The following OR2T12 variants were observed in gnomAD, a reference collection of about 807,000 sequenced individuals.
The protein encoded by OR2T12 is olfactory receptor family 2 subfamily T member 12.
For missense variants in OR2T12, 335 were observed against 404.3 expected (o/e 0.83, Z 1.47); for synonymous variants, 127 against 160.5 (o/e 0.79, Z 1.58).
At position 248,294,506 on chromosome 1, in the gene OR2T12, T is replaced by C; in HGVS notation, c.*110A>G. ...TCACTTCATTCTTAAAAATATCTTA[T>C]TATATCAATACACAAACTTAATTTT... On this transcript the variant is annotated 3_prime_UTR_variant, in exon 3 of 3. Coordinates refer to ENST00000641276, the MANE Select transcript of OR2T12 (RefSeq NM_001004692.2). The C allele has an allele frequency of 5.9e-6, 8 of 1,366,702 alleles. No homozygotes were observed. Among genetic ancestry groups the C allele is most frequent in the Admixed American group, 2.3e-5 (1 of 44,062 alleles). 84.7% of individuals were successfully genotyped at this position (1,366,702 alleles called of 1,614,324 possible).
chr1:248,302,238 G>A (rs1242697892), intron 1 of OR2T12, among the ~76,000 whole-genome samples: 1 of 152,004 alleles, frequency 6.6e-6, no homozygotes, highest in Admixed American at 6.6e-5. Flanking sequence ...ATAATAAAAT[G>A]CAACCTGCAT....
At chr1:248,296,660 GAA>G (rs1053295090) in intron 2 of OR2T12, among the ~76,000 whole-genome samples, 54 of 152,136 alleles carry the variant, frequency 3.5e-4, no homozygotes, top group African/African-American at 1.3e-3. Flanking sequence ...CTTCTTTTGA[GAA>G]GTGTCTGTTC....
rs534760740 is a variant in OR2T12 at position 248,290,178 on chromosome 1, C to T, written c.*4438G>A. 4.6e-5 allele frequency: 7 copies of T among 151,998 alleles called. No homozygotes were observed. The East Asian group carries it at 1.4e-3, about 29-fold the overall frequency. 9.4% of individuals were successfully genotyped at this position (151,998 alleles called of 1,614,324 possible). ...TCCATGTATTCTCATTGTTCATGAA[C>T]AGAGGCCTCATAAACAGAAAAGAGG... On this transcript the variant is annotated 3_prime_UTR_variant, in exon 3 of 3. Coordinates refer to ENST00000641276, the MANE Select transcript of OR2T12 (RefSeq NM_001004692.2).
chr1:248,301,724 G>A (rs982644434), intron 1 of OR2T12, among the ~76,000 whole-genome samples, 171 bp from the exon 2 acceptor site: 5 of 151,994 alleles, frequency 3.3e-5, no homozygotes, highest in African/African-American at 1.2e-4. Flanking sequence ...CATTGTTTCT[G>A]TTGTAATAAA....
chr1:248,294,394 G>T lies in OR2T12; in HGVS notation c.*222C>A. On this transcript the variant is annotated 3_prime_UTR_variant, in exon 3 of 3. Coordinates refer to ENST00000641276, the MANE Select transcript of OR2T12 (RefSeq NM_001004692.2). The stretch of plus-strand genomic sequence containing the variant: ...AGAAAACTTATATCATGGGGTTGTT[G>T]TAGGATACAAAGTAATCTATAGGTA... The T allele has an allele frequency of 2.0e-6, 1 of 506,362 alleles. No homozygotes were observed. Among genetic ancestry groups the T allele is most frequent in the Non-Finnish European group, 3.3e-6 (1 of 302,162 alleles). 31.4% of individuals were successfully genotyped at this position (506,362 alleles called of 1,614,324 possible). A position where few individuals can be genotyped will look rare whatever the true frequency, so the allele number is the denominator to read the frequency against.
At chr1:248,298,335 G>A (rs1056444059) in intron 2 of OR2T12, among the ~76,000 whole-genome samples, 7 of 152,150 alleles carry the variant, frequency 4.6e-5, no homozygotes, top group South Asian at 4.2e-4. Flanking sequence ...GTCTCTGCCC[G>A]GCTTTGGTAT....
intron 2 of OR2T12, among the ~76,000 whole-genome samples, chr1:248,298,422 A>G (rs1266479252): frequency 6.6e-6 from 1 of 152,198 alleles, no homozygotes; most frequent in Admixed American, 6.5e-5. Flanking sequence ...TTTCAGAAGG[A>G]ATGGTACAAG....
At chr1:248,299,291 G>A (rs1310922665) in intron 2 of OR2T12, among the ~76,000 whole-genome samples, 33 of 152,048 alleles carry the variant, frequency 2.2e-4, no homozygotes, top group African/African-American at 5.3e-4. Flanking sequence ...CAGGAAACCC[G>A]TCTCACGTGC....
At position 248,290,518 on chromosome 1, in the gene OR2T12, C is replaced by T. The variant is rs1203863374; in HGVS notation, c.*4098G>A. 1 of 152,126 alleles carries T rather than the reference C, an allele frequency of 6.6e-6. No individual in the cohort carries two copies. Among genetic ancestry groups the T allele is most frequent in the Admixed American group, 6.5e-5 (1 of 15,270 alleles). The allele number at this position is 152,126 out of a possible 1,614,324, so 9.4% of individuals were successfully genotyped here. A position where few individuals can be genotyped will look rare whatever the true frequency, so the allele number is the denominator to read the frequency against. ...TACTATTGGGAATAACTGCAATAAACATATGTGTGCATGTGTCTTTTTAGT... is the reference window on the plus strand; with the variant it reads ...TACTATTGGGAATAACTGCAATAAATATATGTGTGCATGTGTCTTTTTAGT... On this transcript the variant is annotated 3_prime_UTR_variant, in exon 3 of 3. Transcript: ENST00000641276.
intron 2 of OR2T12, among the ~76,000 whole-genome samples, chr1:248,301,095 T>A (rs1659805845): frequency 6.6e-6 from 1 of 152,138 alleles, no homozygotes; most frequent in Non-Finnish European, 1.5e-5. Context: ...TCACCTCCCT[T>A]CATTGCCTCA....
At chr1:248,300,711 A>G (rs1659801425) in intron 2 of OR2T12, among the ~76,000 whole-genome samples, 1 of 152,130 alleles carries the variant, frequency 6.6e-6, no homozygotes, top group Non-Finnish European at 1.5e-5. Context: ...GTAATACACA[A>G]TTTATCCAAA....
intron 2 of OR2T12, among the ~76,000 whole-genome samples, chr1:248,296,109 G>A (rs1175958071): frequency 4.0e-5 from 6 of 151,514 alleles, no homozygotes; most frequent in Non-Finnish European, 5.9e-5. Context: ...CCGGTGTTTG[G>A]TTTTTTGTCC....
At chr1:248,302,940 C>T (rs1022196350) in intron 1 of OR2T12, among the ~76,000 whole-genome samples, 16 of 151,950 alleles carry the variant, frequency 1.1e-4, no homozygotes, top group African/African-American at 2.4e-4. Flanking sequence ...TTTGGATATT[C>T]GATTTTTGGT....
At chr1:248,296,316 T>C (rs1294711384) in intron 2 of OR2T12, among the ~76,000 whole-genome samples, 1 of 152,194 alleles carries the variant, frequency 6.6e-6, no homozygotes, top group Non-Finnish European at 1.5e-5. Flanking sequence ...AATAAACATA[T>C]GTGTGCATGT....
At chr1:248,303,224 G>T (rs1659834944) in intron 1 of OR2T12, 122 bp downstream of exon 1, 1 of 152,096 alleles carries the variant, frequency 6.6e-6, no homozygotes, top group Admixed American at 6.5e-5. Flanking sequence ...AGATAAAATA[G>T]AATAAAATTC....
In OR2T12 at chr1:248,302,738, T is replaced by C. The variant is rs1300243251; in HGVS notation, c.-190+608A>G. On this transcript the variant is annotated intron_variant, in intron 1 of 2. Transcript: ENST00000641276. ...AAATATTTGCATATGTATAAGGAGATGTCCTGAGAATGGAACCCAAAGGAG... is the reference window on the plus strand; with the variant it reads ...AAATATTTGCATATGTATAAGGAGACGTCCTGAGAATGGAACCCAAAGGAG... 3.9e-5 allele frequency among the ~76,000 whole-genome samples: 6 copies of C among 152,074 alleles called. No individual in the cohort carries two copies. The East Asian group carries it at 1.2e-3, about 29-fold the overall frequency.
chr1:248,298,334 C>T (rs1281769305), intron 2 of OR2T12, among the ~76,000 whole-genome samples: 12 of 151,884 alleles, frequency 7.9e-5, no homozygotes, highest in African/African-American at 1.5e-4. Flanking sequence ...TGTCTCTGCC[C>T]GGCTTTGGTA....
Position 248,290,944 on chromosome 1 carries a change from C to T in OR2T12, c.*3672G>A, listed in dbSNP as rs552028983. Reference sequence around the variant, plus strand: ...CTTTTTTTCATATATTTCTTGGCCACATAAATGTCTTCGTTTGAGAAATGT... The same window carrying T: ...CTTTTTTTCATATATTTCTTGGCCATATAAATGTCTTCGTTTGAGAAATGT... On this transcript the variant is annotated 3_prime_UTR_variant, in exon 3 of 3. Coordinates refer to ENST00000641276, the MANE Select transcript of OR2T12 (RefSeq NM_001004692.2). 2 of 151,720 alleles carry T rather than the reference C, an allele frequency of 1.3e-5. No homozygotes were observed. The highest frequency in any genetic ancestry group is 2.1e-4 in the South Asian group (1 of 4,792). The allele number at this position is 151,720 out of a possible 1,614,324, so 9.4% of individuals were successfully genotyped here. A position where few individuals can be genotyped will look rare whatever the true frequency, so the allele number is the denominator to read the frequency against.
Position 248,292,722 on chromosome 1 carries a change from T to TA in OR2T12, c.*1893dup. On this transcript the variant is annotated 3_prime_UTR_variant, in exon 3 of 3. Coordinates refer to ENST00000641276, the MANE Select transcript of OR2T12 (RefSeq NM_001004692.2). ...ATATTTTGTGTTTTTATTAATGTCT[T>TA]ACGTTTGCTTGGAGATAATGTTCAT... 6.6e-6 allele frequency: 1 copy of TA among 152,106 alleles called. No homozygotes were observed. The highest frequency in any genetic ancestry group is 2.1e-4 in the South Asian group (1 of 4,798). The allele number at this position is 152,106 out of a possible 1,614,324, so 9.4% of individuals were successfully genotyped here.
Sources: allele counts gnomAD v4.1 joint callset (sites outside exome capture counted in the v4.1 genomes callset), GRCh38; gene constraint gnomAD v4.1.1; transcripts MANE v1.5; gene names NCBI Gene and HGNC (gene_info 2026-07-23, HGNC 2026-07-21).